AGBL1: variants seen among roughly 807,000 people sequenced by gnomAD.
AGBL1 encodes the protein cytosolic carboxypeptidase 4.
In AGBL1, 130 loss-of-function variants were observed where a neutral mutation model predicts 118.9. The observed-to-expected ratio is 1.09, with a 90% confidence interval of 0.95 to 1.26. AGBL1 has a LOEUF of 1.26. Ranked by LOEUF, AGBL1 falls within the 50% of genes most tolerant of loss-of-function variation. The probability of loss-of-function intolerance (pLI) is 0.00; values close to 1 mark genes in which losing one functional copy is unlikely to be tolerated. For synonymous variants in AGBL1, 555 were observed against 478.9 expected (o/e 1.16, Z -2.08); for missense variants, 1,584 against 1,298.1 (o/e 1.22, Z -3.38).
intron 23 of AGBL1, among the ~76,000 whole-genome samples, chr15:86,928,025 G>C (rs997780525): frequency 6.6e-6 from 1 of 152,138 alleles, no homozygotes; most frequent in Non-Finnish European, 1.5e-5. Flanking sequence ...CTTTATGTAA[G>C]GAATGTCTGA....
At chr15:86,943,030 A>G (rs1436206083) in intron 23 of AGBL1, among the ~76,000 whole-genome samples, 1 of 152,208 alleles carries the variant, frequency 6.6e-6, no homozygotes, top group Non-Finnish European at 1.5e-5. Context: ...TGCCACATAA[A>G]TTAGGTTTTT....
intron 6 of AGBL1, among the ~76,000 whole-genome samples, chr15:86,241,137 C>A (rs180812931): frequency 2.6e-5 from 4 of 152,200 alleles, no homozygotes; most frequent in East Asian, 3.9e-4. Context: ...TTCAGAGAGG[C>A]AGCAATGTAG....
intron 22 of AGBL1, among the ~76,000 whole-genome samples, chr15:86,838,724 G>C (rs2079202150): frequency 6.6e-6 from 1 of 151,830 alleles, no homozygotes; most frequent in Non-Finnish European, 1.5e-5. Flanking sequence ...AAGACTGCTT[G>C]AGCCCGGGAG....
At chr15:86,390,393 A>T (rs1027608440) in intron 17 of AGBL1, among the ~76,000 whole-genome samples, 3 of 152,166 alleles carry the variant, frequency 2.0e-5, no homozygotes, top group African/African-American at 7.2e-5. Flanking sequence ...AACAAACTTG[A>T]CCTAATTGGT....
At chr15:87,008,138 G>C (rs750381195) in intron 24 of AGBL1, among the ~76,000 whole-genome samples, 4 of 152,178 alleles carry the variant, frequency 2.6e-5, no homozygotes, top group South Asian at 2.1e-4. Context: ...TTCCAGAAGA[G>C]ATTGGCATTT....
intron 17 of AGBL1, among the ~76,000 whole-genome samples, chr15:86,328,875 C>T (rs117666965): frequency 2.0e-3 from 308 of 152,274 alleles, no homozygotes; most frequent in Non-Finnish European, 2.5e-3. Context: ...GACAGGACAC[C>T]GTTTTTAATT....
chr15:86,131,574 C>G (rs780913134), intron 1 of AGBL1, among the ~76,000 whole-genome samples: 3 of 152,072 alleles, frequency 2.0e-5, no homozygotes, highest in Non-Finnish European at 4.4e-5. Context: ...ATAATGATAT[C>G]TAAATTTTAG....
intron 17 of AGBL1, among the ~76,000 whole-genome samples, chr15:86,355,985 C>G (rs2080710015): frequency 6.6e-6 from 1 of 152,184 alleles, no homozygotes; most frequent in Non-Finnish European, 1.5e-5. Flanking sequence ...CTTTTCAGCA[C>G]CAGACTGGGA....
In AGBL1 at chr15:86,079,926, G is replaced by C. The variant is rs1895153890; in HGVS notation, c.-47G>C. On this transcript the variant is annotated 5_prime_UTR_variant, in exon 1 of 23. Coordinates refer to ENST00000614907, the MANE Select transcript of AGBL1 (RefSeq NM_001386094.1). Reference sequence around the variant, plus strand: ...CAGCTTGGCAGCCGCTGCCTCTCCAGCCTGGATCTGGCCGCAGGCAGCGGT... The same window carrying C: ...CAGCTTGGCAGCCGCTGCCTCTCCACCCTGGATCTGGCCGCAGGCAGCGGT... The C allele has an allele frequency of 1.3e-5, 16 of 1,224,934 alleles. No individual in the cohort carries two copies. Among genetic ancestry groups the C allele is most frequent in the Non-Finnish European group, 1.6e-5 (16 of 981,334 alleles). 75.9% of individuals were successfully genotyped at this position (1,224,934 alleles called of 1,614,324 possible).
chr15:86,807,973 G>C (rs1310738195), intron 22 of AGBL1, among the ~76,000 whole-genome samples: 1 of 152,102 alleles, frequency 6.6e-6, no homozygotes, highest in African/African-American at 2.4e-5. Flanking sequence ...TGGGCAAGCT[G>C]TGGAACATTT....
At chr15:86,616,374 G>GAAAAAAAAAAAAAAAAAA (rs2084725990) in intron 21 of AGBL1, among the ~76,000 whole-genome samples, 2 of 142,394 alleles carry the variant, frequency 1.4e-5, no homozygotes, top group African/African-American at 5.6e-5. Context: ...AAAAAAAAAT[G>GAAAAAAAAAAAAAAAAAA]AAGATGGAAA....
chr15:87,007,967 C>A lies in AGBL1; in HGVS notation c.3323+19879C>A, dbSNP rs138131690. Among the ~76,000 whole-genome samples the A allele has an allele frequency of 2.3e-3, 348 of 152,230 alleles. 2 individuals are homozygous for A. Among genetic ancestry groups the A allele is most frequent in the African/African-American group, 8.1e-3 (336 of 41,544 alleles). ...CTTTATAAGGAGAAATAATGGAAGTCATAAAGAAGAAAATTTGGATTATTC... is the reference window on the plus strand; with the variant it reads ...CTTTATAAGGAGAAATAATGGAAGTAATAAAGAAGAAAATTTGGATTATTC... On this transcript the variant is annotated intron_variant, in intron 24 of 24. Coordinates refer to the AGBL1 transcript ENST00000441037.
At chr15:86,971,857 A>G (rs966188869) in intron 23 of AGBL1, among the ~76,000 whole-genome samples, 1 of 151,906 alleles carries the variant, frequency 6.6e-6, no homozygotes, top group Non-Finnish European at 1.5e-5. Flanking sequence ...TCATGGAGGC[A>G]GTTTCGCCTA....
intron 19 of AGBL1, among the ~76,000 whole-genome samples, chr15:86,535,799 C>T (rs574300949): frequency 5.3e-4 from 80 of 152,258 alleles, no homozygotes; most frequent in Non-Finnish European, 8.7e-4. Flanking sequence ...AAAAGGATGG[C>T]GTATTCCTTT....
intron 18 of AGBL1, among the ~76,000 whole-genome samples, chr15:86,414,736 T>C (rs2081666793): frequency 6.6e-6 from 1 of 152,162 alleles, no homozygotes; most frequent in Admixed American, 6.6e-5. Flanking sequence ...CTAAACTATC[T>C]AGAGGAACAT....
At chr15:86,599,952 AACTTATTAAAT>A (rs2084469160) in intron 21 of AGBL1, among the ~76,000 whole-genome samples, 1 of 152,142 alleles carries the variant, frequency 6.6e-6, no homozygotes, top group Non-Finnish European at 1.5e-5. Flanking sequence ...TTGAAAACAA[AACTTATTAAAT>A]ACCCCTTGAA....
chr15:86,783,989 A>G (rs2078371824), intron 22 of AGBL1, among the ~76,000 whole-genome samples: 1 of 152,228 alleles, frequency 6.6e-6, no homozygotes. Context: ...GTGTTGGAGT[A>G]GAAGTAAGAA....
chr15:86,376,372 T>A lies in AGBL1; in HGVS notation c.2375-20994T>A, dbSNP rs184566579. On this transcript the variant is annotated intron_variant, in intron 17 of 22. Transcript: ENST00000614907. ...ATGATTTGCTGGATCACTGCACATC[T>A]CACTGAAAGTTATTACACTCAGTGA... 6.6e-5 allele frequency among the ~76,000 whole-genome samples: 10 copies of A among 152,312 alleles called. No homozygotes were observed. The East Asian group carries it at 1.9e-3, about 29-fold the overall frequency.
chr15:86,582,091 G>T (rs1384812523), intron 21 of AGBL1, among the ~76,000 whole-genome samples: 1 of 152,082 alleles, frequency 6.6e-6, no homozygotes, highest in Non-Finnish European at 1.5e-5. Context: ...CCCACTAGAT[G>T]CAGGTAACAC....
Sources: allele counts gnomAD v4.1 joint callset (sites outside exome capture counted in the v4.1 genomes callset), GRCh38; gene constraint gnomAD v4.1.1; transcripts MANE v1.5; gene names NCBI Gene and HGNC (gene_info 2026-07-23, HGNC 2026-07-21).